PSG1: variants seen among roughly 807,000 people sequenced by gnomAD.
The protein encoded by PSG1 is pregnancy-specific beta-1-glycoprotein 1.
PSG1 carries 60 observed loss-of-function variants against 41.4 expected under a neutral mutation model. The ratio of observed to expected loss-of-function variants is 1.45; its 90% CI spans 1.18 to 1.80. The LOEUF is 1.80. PSG1 is among the 40% of genes most tolerant of loss of function. The pLI, the probability that PSG1 is intolerant of heterozygous loss-of-function variation, is 0.00. For missense variants in PSG1, 806 were observed against 516.9 expected, an observed-to-expected ratio of 1.56 and a Z score of -5.42; for synonymous variants, 256 against 192.9, an observed-to-expected ratio of 1.33 and a Z score of -2.71.
In PSG1 at chr19:42,868,328, G is replaced by C. The variant is rs760438259; in HGVS notation, c.1016C>G (p.Pro339Arg). ...LYGPDLPRIY[P>R]SFTYYRSGEV... ...TCCTGAACGGTAATAGGTGAATGAA[G>C]GGTAAATTCTGGGGAGGTCTGGACC... The change falls in exon 5 of 6, where the codon CCT becomes CGT. Residue 339 changes from proline (P) to arginine (R), a missense_variant. Physicochemically the swap from Pro to Arg is moderately radical, Grantham distance 103. Transcript: ENST00000436291. The C allele has an allele frequency of 6.2e-5, 100 of 1,611,502 alleles. 2 individuals carry two copies. The highest frequency in any genetic ancestry group is 8.5e-5 in the Non-Finnish European group (100 of 1,178,636).
chr19:42,868,453 C>A (rs547195416), intron 4 of PSG1, 98 bp from the exon 5 acceptor site: 54 of 1,482,078 alleles, frequency 3.6e-5, no homozygotes, highest in Non-Finnish European at 2.3e-5. Flanking sequence ...AGCCAAGACA[C>A]ACCCTCAAGT....
chr19:42,867,042 T>A lies in PSG1; in HGVS notation c.*92A>T. 3 of 769,806 alleles carry A rather than the reference T, an allele frequency of 3.9e-6. No individual in the cohort carries two copies. Among genetic ancestry groups the A allele is most frequent in the Non-Finnish European group, 7.2e-6 (3 of 417,512 alleles). The allele number at this position is 769,806 out of a possible 1,614,324, so 47.7% of individuals were successfully genotyped here. On this transcript the variant is annotated 3_prime_UTR_variant, in exon 6 of 6. Coordinates refer to ENST00000436291, the MANE Select transcript of PSG1 (RefSeq NM_001184825.2). ...TTCCCATGAAATTTACATTGAGTTG[T>A]CCACCTCCAGCTTATAGGGCTTCTG...
intron 3 of PSG1, among the ~76,000 whole-genome samples, chr19:42,871,519 C>A (rs1971382267): frequency 6.6e-6 from 1 of 151,728 alleles, no homozygotes; most frequent in African/African-American, 2.4e-5. Flanking sequence ...GAGCCTGAGA[C>A]CTTCACCTGT....
At position 42,874,614 on chromosome 19, in the gene PSG1, T is replaced by C. The variant is rs79582071; in HGVS notation, c.431-2569A>G. ...CCTCGGCCTCCCAAAGTGCTGGGAT[T>C]ATAGGCGTGAGCCACTGTGCGCAGC... On this transcript the variant is annotated intron_variant, in intron 2 of 5. Transcript: ENST00000436291. Among the ~76,000 whole-genome samples the C allele has an allele frequency of 4.0e-5, 6 of 151,842 alleles. 1 individual carries two copies. The highest frequency in any genetic ancestry group is 3.9e-4 in the East Asian group (2 of 5,174).
chr19:42,872,195 T>A, intron 2 of PSG1, 150 bp from the exon 3 acceptor site: 1 of 1,209,578 alleles, frequency 8.3e-7, no homozygotes. Context: ...GACAGATGCA[T>A]GGCAATCTGA....
At chr19:42,879,183 T>C (rs1264068217) in intron 1 of PSG1, among the ~76,000 whole-genome samples, 4 of 149,334 alleles carry the variant, frequency 2.7e-5, no homozygotes, top group East Asian at 4.0e-4. Context: ...GATGGAGTCT[T>C]GTACTGTCGC....
chr19:42,867,968 A>G, intron 5 of PSG1, 133 bp downstream of exon 5: 1 of 1,597,144 alleles, frequency 6.3e-7, no homozygotes, highest in Non-Finnish European at 8.5e-7. Flanking sequence ...TGGAGGGTTC[A>G]GGAGGAGAAT....
At chr19:42,875,808 T>TTTTA (rs1244638612) in intron 2 of PSG1, among the ~76,000 whole-genome samples, 100 of 145,702 alleles carry the variant, frequency 6.9e-4, no homozygotes, top group Non-Finnish European at 6.1e-4. Flanking sequence ...AATTATTTTA[T>TTTTA]TTTATTTATT....
In PSG1 at chr19:42,879,696, A is replaced by G. The variant is rs1163112866; in HGVS notation, c.-115T>C. On this transcript the variant is annotated 5_prime_UTR_variant, in exon 1 of 6. Coordinates refer to ENST00000436291, the MANE Select transcript of PSG1 (RefSeq NM_001184825.2). ...CTCTTTCTGTGCTGAGCCTCTTCCC[A>G]GGGCAGGAGCAATTCTCAAGCTCAT... is the stretch of plus-strand genomic sequence containing the variant. The G allele has an allele frequency of 8.2e-6, 12 of 1,465,016 alleles. No individual in the cohort carries two copies. Among genetic ancestry groups the G allele is most frequent in the East Asian group, 7.1e-5 (3 of 42,284 alleles). 90.8% of individuals were successfully genotyped at this position (1,465,016 alleles called of 1,614,324 possible). A position where few individuals can be genotyped will look rare whatever the true frequency, so the allele number is the denominator to read the frequency against.
rs1315297189 is a variant in PSG1, at chr19:42,877,971, G to C, written c.372C>G (p.Ile124Met). ...CTCTAGTCCCATCATCTCCCTTTAT[G>C]ATGTGTAAGGTGTAGGATCCTGCGT... ...REDAGSYTLH[I>M]IKGDDGTRGV... Residue 124 changes from isoleucine (I) to methionine (M), a missense_variant, in exon 2 of 6, where the codon ATC becomes ATG. Physicochemically the swap from Ile to Met is conservative, Grantham distance 10 (BLOSUM62 1). Transcript: ENST00000436291. 3 of 1,612,300 alleles carry C rather than the reference G, an allele frequency of 1.9e-6. No individual in the cohort carries two copies. Among genetic ancestry groups the C allele is most frequent in the Non-Finnish European group, 2.5e-6 (3 of 1,179,152 alleles).
At position 42,871,897 on chromosome 19, in the gene PSG1, C is replaced by A. The variant is rs1434789003; in HGVS notation, c.579G>T (p.Leu193Phe). The A allele has an allele frequency of 1.2e-6, 2 of 1,612,470 alleles. No homozygotes were observed. The highest frequency in any genetic ancestry group is 8.5e-7 in the Non-Finnish European group (1 of 1,179,220). The change falls in exon 3 of 6, where the codon TTG (leucine) becomes TTT (phenylalanine). Residue 193 changes from leucine (L) to phenylalanine (F), a missense_variant. Leu to Phe is a conservative substitution (Grantham distance 22). Coordinates refer to ENST00000436291, the MANE Select transcript of PSG1 (RefSeq NM_001184825.2). Reference protein sequence around the residue: ...NGQSLPMTHSLKLSETNRTLF... With the variant: ...NGQSLPMTHSFKLSETNRTLF... ...GGGTCCTGTTGGTTTCGGACAGCTTCAAGCTGTGAGTCATAGGGAGGCTCT... is the reference window on the plus strand; with the variant it reads ...GGGTCCTGTTGGTTTCGGACAGCTTAAAGCTGTGAGTCATAGGGAGGCTCT...
chr19:42,867,600 T>A, intron 5 of PSG1: 1 of 684,812 alleles, frequency 1.5e-6, no homozygotes, highest in Non-Finnish European at 2.6e-6. Context: ...AAGCAGATTG[T>A]TACTGTACTT....
At chr19:42,879,189 G>A (rs1296809089) in intron 1 of PSG1, among the ~76,000 whole-genome samples, 1 of 138,444 alleles carries the variant, frequency 7.2e-6, no homozygotes, top group East Asian at 2.1e-4. Context: ...GTCTTGTACT[G>A]TCGCCCAGGC....
chr19:42,877,442 C>G, intron 2 of PSG1, among the ~76,000 whole-genome samples: 2 of 151,688 alleles, frequency 1.3e-5, no homozygotes, highest in East Asian at 3.9e-4. Flanking sequence ...CCCAGTAAGC[C>G]CTGCCCAAGA....
At chr19:42,874,015 G>A (rs1971501600) in intron 2 of PSG1, 1 of 151,556 alleles carries the variant, frequency 6.6e-6, no homozygotes, top group South Asian at 2.1e-4. Flanking sequence ...ATCATCATGA[G>A]GAAACAGTTA....
chr19:42,867,290 A>T (rs1971172486), intron 5 of PSG1, 140 bp from the exon 6 acceptor site: 1 of 674,294 alleles, frequency 1.5e-6, no homozygotes, highest in Non-Finnish European at 2.7e-6. Flanking sequence ...CAGTAGAATA[A>T]GTTTGTTTGC....
At chr19:42,867,641 CA>C (rs1971186857) in intron 5 of PSG1, 1 of 741,058 alleles carries the variant, frequency 1.3e-6, no homozygotes, top group Admixed American at 2.1e-5. Flanking sequence ...ATAAACATAT[CA>C]ATTCTCATGA....
At chr19:42,877,392 C>G (rs577957374) in intron 2 of PSG1, among the ~76,000 whole-genome samples, 173 of 151,678 alleles carry the variant, frequency 1.1e-3, no homozygotes, top group African/African-American at 3.7e-3. Context: ...GTGAACAGCT[C>G]CAGGAGACAC....
chr19:42,867,829 A>G lies in PSG1; in HGVS notation c.1243+272T>C, dbSNP rs1971196984. 3 of 1,312,288 alleles carry G rather than the reference A, an allele frequency of 2.3e-6. No individual in the cohort carries two copies. The East Asian group carries it at 7.2e-5, about 32-fold the overall frequency. The allele number at this position is 1,312,288 out of a possible 1,614,324, so 81.3% of individuals were successfully genotyped here. On this transcript the variant is annotated intron_variant, in intron 5 of 5. Transcript: ENST00000436291. The stretch of plus-strand genomic sequence containing the variant: ...ATCAGCAAATTTTCAAATAAAAATC[A>G]TAAAAACATTATCTTCATTATTATC...
Sources: gnomAD v4.1 joint callset for allele counts (sites outside exome capture counted in the v4.1 genomes callset) on GRCh38, gnomAD v4.1.1 for gene constraint, MANE v1.5 for transcripts, NCBI Gene and HGNC (gene_info 2026-07-23, HGNC 2026-07-21) for gene names.